Variants in DUSP8 observed in about 807,000 individuals in gnomAD.
The protein encoded by DUSP8 is dual specificity phosphatase 8, also known as dual specificity protein phosphatase 8.
A neutral mutation model predicts 38.7 loss-of-function variants in DUSP8; 15 were observed. That is an observed-to-expected ratio of 0.39 (90% CI 0.26 to 0.60). The LOEUF is 0.60. Ranked by LOEUF, DUSP8 falls within the 20% of genes least tolerant of loss-of-function variation. The pLI is 0.56. For missense variants in DUSP8, 768 were observed against 915.0 expected (o/e 0.84, Z 2.07); for synonymous variants, 458 against 433.9 (o/e 1.06, Z -0.69).
At chr11:1,560,272 G>A (rs1848696928) in intron 3 of DUSP8, among the ~76,000 whole-genome samples, 1 of 152,160 alleles carries the variant, frequency 6.6e-6, no homozygotes, top group South Asian at 2.1e-4. Context: ...GGGAACCCCA[G>A]GGCTCTTTTT....
intron 1 of DUSP8, among the ~76,000 whole-genome samples, chr11:1,566,851 G>A (rs1180194456): frequency 1.3e-5 from 2 of 152,130 alleles, no homozygotes; most frequent in African/African-American, 2.4e-5. Context: ...GTGGGCAGGT[G>A]GAGTAGGGAT....
chr11:1,557,169 GTCGGGCCGCCTGC>G lies in DUSP8; in HGVS notation c.1214_1226del (p.Ser405ThrfsTer66). ...CGCCGGGGTCGGGGGGCCCGGGGCC[GTCGGGCCGCCTGC>G]TAGGGGCGTAGGCAGACTTGATGTC... On this transcript the variant is annotated frameshift_variant, in exon 7 of 7. Transcript: ENST00000397374. LOFTEE classifies it high-confidence loss of function. The surrounding 1 kb of genome is among the most constrained non-coding windows in gnomAD (Gnocchi z 9.9). The G allele has an allele frequency of 6.9e-7, 1 of 1,449,230 alleles. No homozygotes were observed. The highest frequency in any genetic ancestry group is 2.5e-4 in the Middle Eastern group (1 of 4,026). The allele number at this position is 1,449,230 out of a possible 1,614,324, so 89.8% of individuals were successfully genotyped here. A position where few individuals can be genotyped will look rare whatever the true frequency, so the allele number is the denominator to read the frequency against.
chr11:1,566,439 A>C (rs994305723), intron 1 of DUSP8, among the ~76,000 whole-genome samples: 2 of 152,054 alleles, frequency 1.3e-5, no homozygotes, highest in African/African-American at 4.8e-5. Flanking sequence ...ACTTGACTCC[A>C]GGGCAGCTCC....
Position 1,570,152 on chromosome 11 carries a change from T to C in DUSP8, c.-109+1749A>G, listed in dbSNP as rs545168789. Among the ~76,000 whole-genome samples, 20 of 152,190 alleles carry C rather than the reference T, an allele frequency of 1.3e-4. No homozygotes were observed. The East Asian group carries it at 3.7e-3, about 28-fold the overall frequency. ...AACGGGGTCCGGGCAGGGCAGGGGA[T>C]GGGAGGACTTGGCACAAGGGGCCGT... On this transcript the variant is annotated intron_variant, in intron 1 of 6. Transcript: ENST00000397374.
At chr11:1,564,116 T>G in intron 2 of DUSP8, 127 bp from the exon 3 acceptor site, 1 of 1,205,442 alleles carries the variant, frequency 8.3e-7, no homozygotes, top group Non-Finnish European at 1.1e-6. Context: ...GCTGTCACCT[T>G]GCTGCCTGGA....
At position 1,563,934 on chromosome 11, in the gene DUSP8, G is replaced by A. The variant is rs1848760775; in HGVS notation, c.287C>T (p.Ala96Val). ...GAAGCTGTCTGCGGCCAGCACGCTGGCGTCCCGCGTGCTCTGGTCATAGAC... is the reference window on the plus strand; with the variant it reads ...GAAGCTGTCTGCGGCCAGCACGCTGACGTCCCGCGTGCTCTGGTCATAGAC... ...VVVYDQSTRDASVLAADSFLS... is the reference protein window; with the variant it reads ...VVVYDQSTRDVSVLAADSFLS... The change falls in exon 3 of 7, where the codon GCC becomes GTC. Residue 96 changes from alanine to valine, a missense_variant. Physicochemically the swap from Ala to Val is moderately conservative, Grantham distance 64. Coordinates refer to ENST00000397374, the MANE Select transcript of DUSP8 (RefSeq NM_004420.3). The A allele has an allele frequency of 3.9e-6, 6 of 1,544,298 alleles. No homozygotes were observed. The South Asian group carries it at 7.2e-5, about 19-fold the overall frequency.
At position 1,555,497 on chromosome 11, in the gene DUSP8, G is replaced by A; in HGVS notation, c.*1021C>T. The stretch of plus-strand genomic sequence containing the variant: ...CTGGGGCATGGCTGGGAGGGGGGCG[G>A]GGCAGACCTGGAACAGAACCCTAAG... On this transcript the variant is annotated 3_prime_UTR_variant, in exon 7 of 7. Coordinates refer to ENST00000397374, the MANE Select transcript of DUSP8 (RefSeq NM_004420.3). 6.4e-6 allele frequency: 3 copies of A among 466,772 alleles called. No individual in the cohort carries two copies. The highest frequency in any genetic ancestry group is 8.4e-6 in the Non-Finnish European group (3 of 355,534). 28.9% of individuals were successfully genotyped at this position (466,772 alleles called of 1,614,324 possible). A position where few individuals can be genotyped will look rare whatever the true frequency, so the allele number is the denominator to read the frequency against.
At position 1,557,168 on chromosome 11, in the gene DUSP8, CGT is replaced by C; in HGVS notation, c.1226_1227del (p.Asp409GlyfsTer39). ...KSAYAPSRRP[D>X]GPGPPDPGEA... Reference sequence around the variant, plus strand: ...TCGCCGGGGTCGGGGGGCCCGGGGCCGTCGGGCCGCCTGCTAGGGGCGTAGGC... The same window carrying C: ...TCGCCGGGGTCGGGGGGCCCGGGGCCCGGGCCGCCTGCTAGGGGCGTAGGC... On this transcript the variant is annotated frameshift_variant, in exon 7 of 7. Transcript: ENST00000397374. LOFTEE classifies it high-confidence loss of function. The surrounding 1 kb of genome is among the most constrained non-coding windows in gnomAD (Gnocchi z 9.9). 1 of 1,448,102 alleles carries C rather than the reference CGT, an allele frequency of 6.9e-7. No individual in the cohort carries two copies. The highest frequency in any genetic ancestry group is 9.0e-7 in the Non-Finnish European group (1 of 1,107,892). The allele number at this position is 1,448,102 out of a possible 1,614,324, so 89.7% of individuals were successfully genotyped here. A position where few individuals can be genotyped will look rare whatever the true frequency, so the allele number is the denominator to read the frequency against.
At chr11:1,567,050 C>A (rs188097875) in intron 1 of DUSP8, among the ~76,000 whole-genome samples, 1 of 152,254 alleles carries the variant, frequency 6.6e-6, no homozygotes, top group South Asian at 2.1e-4. Context: ...ATGGGGAAAC[C>A]GAGGCTTGGG....
chr11:1,556,630 T>A lies in DUSP8; in HGVS notation c.1766A>T (p.Gln589Leu). 3 of 1,429,464 alleles carry A rather than the reference T, an allele frequency of 2.1e-6. No homozygotes were observed. Among genetic ancestry groups the A allele is most frequent in the South Asian group, 2.8e-5 (2 of 70,446 alleles). 88.5% of individuals were successfully genotyped at this position (1,429,464 alleles called of 1,614,324 possible). ...CACCATGCCCTCCTCGAACTCCATC[T>A]GGCAGCTGCGGCGCTTGAACTGCGT... The part of the protein sequence containing the change: ...PETQFKRRSC[Q>L]MEFEEGMVEG... The change falls in exon 7 of 7, where the codon CAG (glutamine) becomes CTG (leucine). Residue 589 changes from glutamine (Q) to leucine (L), a missense_variant. Physicochemically the swap from Gln to Leu is moderately radical, Grantham distance 113. Coordinates refer to ENST00000397374, the MANE Select transcript of DUSP8 (RefSeq NM_004420.3). The surrounding 1 kb of genome is among the most constrained non-coding windows in gnomAD (Gnocchi z 5.2).
At chr11:1,565,956 C>A in intron 1 of DUSP8, 22 bp from the exon 2 acceptor site, 1 of 784,610 alleles carries the variant, frequency 1.3e-6, no homozygotes, top group South Asian at 1.6e-5. Flanking sequence ...GGGGGATGGT[C>A]AGCAGTGCTG....
Position 1,558,940 on chromosome 11 carries a change from G to A in DUSP8, c.486C>T (p.Thr162=), listed in dbSNP as rs371359566. ...CCAGGTAGAGGTGAGGCAGGATGCG[G>A]GTCAGGCCCACGCTGGGCACAGGCA... is the stretch of plus-strand genomic sequence containing the variant. ...PCLPVPSVGL[T]RILPHLYLGS... Residue 162 remains threonine (T), a synonymous_variant, in exon 4 of 7, where the codon ACC becomes ACT. Coordinates refer to ENST00000397374, the MANE Select transcript of DUSP8 (RefSeq NM_004420.3). This position sits in a 1 kb window ranked among gnomAD's most constrained non-coding sequence, Gnocchi z 6.3. 1.1e-5 allele frequency: 18 copies of A among 1,612,912 alleles called. 1 individual carries two copies. In the East Asian group the frequency reaches 2.5e-4, roughly 22 times the overall value.
intron 2 of DUSP8, 99 bp downstream of exon 2, chr11:1,565,497 G>A (rs1012662490): frequency 8.3e-6 from 8 of 963,432 alleles, no homozygotes; most frequent in African/African-American, 1.6e-5. Flanking sequence ...AGTCGAGTTT[G>A]GACTGGAAGG....
At position 1,556,654 on chromosome 11, in the gene DUSP8, G is replaced by A. The variant is rs1433442015; in HGVS notation, c.1742C>T (p.Thr581Met). 7.1e-7 allele frequency: 1 copy of A among 1,405,816 alleles called. No individual in the cohort carries two copies. Among genetic ancestry groups the A allele is most frequent in the Non-Finnish European group, 9.3e-7 (1 of 1,075,470 alleles). 87.1% of individuals were successfully genotyped at this position (1,405,816 alleles called of 1,614,324 possible). Residue 581 changes from threonine (T) to methionine (M), a missense_variant, in exon 7 of 7, where the codon ACG (threonine) becomes ATG (methionine). This residue lies in a region of DUSP8 where 474 missense variants were observed against 430.8 expected (regional missense o/e 1.10). Transcript: ENST00000397374. This position sits in a 1 kb window ranked among gnomAD's most constrained non-coding sequence, Gnocchi z 5.2. ...TGWPEEPAPE[T>M]QFKRRSCQME... ...CTGGCAGCTGCGGCGCTTGAACTGC[G>A]TCTCCGGGGCCGGCTCCTCGGGCCA...
At position 1,556,448 on chromosome 11, in the gene DUSP8, T is replaced by C. The variant is rs1848624274; in HGVS notation, c.*70A>G. 8.1e-7 allele frequency: 1 copy of C among 1,230,048 alleles called. No individual in the cohort carries two copies. The highest frequency in any genetic ancestry group is 1.6e-5 in the African/African-American group (1 of 64,352). The allele number at this position is 1,230,048 out of a possible 1,614,324, so 76.2% of individuals were successfully genotyped here. A position where few individuals can be genotyped will look rare whatever the true frequency, so the allele number is the denominator to read the frequency against. On this transcript the variant is annotated 3_prime_UTR_variant, in exon 7 of 7. Transcript: ENST00000397374. This position sits in a 1 kb window ranked among gnomAD's most constrained non-coding sequence, Gnocchi z 5.2. ...TCCCAGTAAAACCATTTACCTTTCTTTGCATTATATATAATATACATTTAT... is the reference window on the plus strand; with the variant it reads ...TCCCAGTAAAACCATTTACCTTTCTCTGCATTATATATAATATACATTTAT...
In DUSP8 at chr11:1,565,836, A is replaced by G. The variant is rs1474320851; in HGVS notation, c.-10T>C. 1 of 1,602,686 alleles carries G rather than the reference A, an allele frequency of 6.2e-7. No homozygotes were observed. The highest frequency in any genetic ancestry group is 2.2e-5 in the East Asian group (1 of 44,578). On this transcript the variant is annotated 5_prime_UTR_variant, in exon 2 of 7. Coordinates refer to ENST00000397374, the MANE Select transcript of DUSP8 (RefSeq NM_004420.3). ...GCCGGTCCCCAGCCATGGTGGGGCAATGGGTGCTGGGGAGGGTGACCCCTG... is the reference window on the plus strand; with the variant it reads ...GCCGGTCCCCAGCCATGGTGGGGCAGTGGGTGCTGGGGAGGGTGACCCCTG...
At chr11:1,562,665 A>C (rs773583284) in intron 3 of DUSP8, among the ~76,000 whole-genome samples, 3 of 151,122 alleles carry the variant, frequency 2.0e-5, no homozygotes, top group Non-Finnish European at 4.4e-5. Flanking sequence ...ACACATGTAC[A>C]TGCACACACA....
intron 3 of DUSP8, among the ~76,000 whole-genome samples, chr11:1,560,506 G>A (rs1848699918): frequency 6.6e-6 from 1 of 152,214 alleles, no homozygotes; most frequent in South Asian, 2.1e-4. Context: ...GTGACGCTGG[G>A]GGACTGTGGA....
intron 1 of DUSP8, among the ~76,000 whole-genome samples, chr11:1,566,408 C>G (rs1383412957): frequency 3.9e-5 from 6 of 152,114 alleles, no homozygotes. Flanking sequence ...AGCACAGCCC[C>G]AGGGAGTCCA....
Sources: gnomAD v4.1 joint callset for allele counts (sites outside exome capture counted in the v4.1 genomes callset) on GRCh38, gnomAD v4.1.1 for gene constraint, gnomAD v4.1.1 regional missense constraint, Gnocchi (gnomAD v3.1) non-coding constraint, MANE v1.5 for transcripts, NCBI Gene and HGNC (gene_info 2026-07-23, HGNC 2026-07-21) for gene names.